The following MID1 variants were observed in gnomAD, a reference collection of about 807,000 sequenced individuals.
MID1 encodes midline 1, also known as E3 ubiquitin-protein ligase Midline-1.
MID1 carries 7 observed loss-of-function variants against 40.4 expected under a neutral mutation model. The ratio of observed to expected loss-of-function variants is 0.17; its 90% confidence interval spans 0.10 to 0.33. The LOEUF (loss-of-function observed/expected upper bound fraction) is 0.33, where lower values mean the gene tolerates loss of function less well. Ranked by LOEUF, MID1 falls within the 10% of genes least tolerant of loss-of-function variation. The pLI, the probability that MID1 is intolerant of heterozygous loss-of-function variation, is 1.00. For missense variants in MID1, 367 were observed against 558.5 expected, an observed-to-expected ratio of 0.66 and a Z score of 3.46; for synonymous variants, 229 against 221.2, an observed-to-expected ratio of 1.04 and a Z score of -0.31.
chrX:10,521,056 A>G (rs1932677381), intron 3 of MID1, among the ~76,000 whole-genome samples: 1 of 102,826 alleles, frequency 9.7e-6, no homozygotes, highest in Non-Finnish European at 2.0e-5. Flanking sequence ...CACATGGTAG[A>G]AGGCAAAGCC....
chrX:10,680,385 A>C (rs958186601), intron 1 of MID1, among the ~76,000 whole-genome samples: 3 of 112,266 alleles, frequency 2.7e-5, no homozygotes, highest in Admixed American at 9.5e-5. Flanking sequence ...ATATGGAAGC[A>C]GACTTCAGTA....
At chrX:10,540,453 C>T (rs930805251) in intron 2 of MID1, among the ~76,000 whole-genome samples, 4 of 111,583 alleles carry the variant, frequency 3.6e-5, no homozygotes, top group Admixed American at 9.5e-5. Flanking sequence ...AAGAAGTTTG[C>T]GACTAAACTA....
At chrX:10,503,071 G>A (rs994244007) in intron 3 of MID1, among the ~76,000 whole-genome samples, 3 of 110,913 alleles carry the variant, frequency 2.7e-5, no homozygotes, top group African/African-American at 9.8e-5. Flanking sequence ...GAGGGTACAG[G>A]GAGAAAACTG....
chrX:10,578,013 A>C (rs1474090074), intron 1 of MID1, among the ~76,000 whole-genome samples: 1 of 112,255 alleles, frequency 8.9e-6, no homozygotes, highest in Non-Finnish European at 1.9e-5. Flanking sequence ...ATTCATGATA[A>C]AGGGGAAGCA....
At chrX:10,501,223 C>T (rs747325956) in intron 3 of MID1, among the ~76,000 whole-genome samples, 41 of 111,338 alleles carry the variant, frequency 3.7e-4, no homozygotes, top group South Asian at 7.7e-4. Flanking sequence ...GCAGGAGAAT[C>T]GCTTGAACCC....
chrX:10,498,271 A>G (rs1337222180), intron 3 of MID1, among the ~76,000 whole-genome samples: 5 of 111,614 alleles, frequency 4.5e-5, no homozygotes, highest in African/African-American at 1.6e-4. Context: ...TCCCGGCTAA[A>G]TTTTTTTAAA....
At chrX:10,500,239 T>C (rs1298871529) in intron 3 of MID1, among the ~76,000 whole-genome samples, 1 of 112,142 alleles carries the variant, frequency 8.9e-6, no homozygotes, top group Non-Finnish European at 1.9e-5. Flanking sequence ...ATATGTTTGC[T>C]TTACCAAAAA....
At chrX:10,516,601 T>TGTGCGC (rs1569079744) in intron 3 of MID1, among the ~76,000 whole-genome samples, 1 of 71,364 alleles carries the variant, frequency 1.4e-5, no homozygotes, top group African/African-American at 6.7e-5. Context: ...TGTGTGTGTG[T>TGTGCGC]GTGTGTGTGC....
chrX:10,691,039 G>A (rs2043128889), intron 1 of MID1, among the ~76,000 whole-genome samples: 1 of 111,464 alleles, frequency 9.0e-6, no homozygotes, highest in Admixed American at 9.6e-5. Flanking sequence ...TCAGGAGTGT[G>A]GGAACTACAT....
intron 6 of MID1, among the ~76,000 whole-genome samples, chrX:10,470,888 G>A (rs1929668889): frequency 8.9e-6 from 1 of 111,946 alleles, no homozygotes. Context: ...TTAGAGGGAG[G>A]GGTTGGCAAA....
chrX:10,559,345 T>G (rs771703730), intron 2 of MID1, among the ~76,000 whole-genome samples: 4 of 112,162 alleles, frequency 3.6e-5, no homozygotes, highest in African/African-American at 9.7e-5. Flanking sequence ...ACAAACAGAA[T>G]TGCATATTGG....
intron 1 of MID1, among the ~76,000 whole-genome samples, chrX:10,738,121 C>T (rs993828366): frequency 9.0e-6 from 1 of 111,676 alleles, no homozygotes; most frequent in African/African-American, 3.3e-5. Flanking sequence ...AGACAGTTAG[C>T]GGTCATCCCC....
At chrX:10,718,951 G>T (rs747130750) in intron 1 of MID1, among the ~76,000 whole-genome samples, 7 of 111,759 alleles carry the variant, frequency 6.3e-5, no homozygotes, top group East Asian at 2.8e-4. Context: ...AAAACCACAT[G>T]ATTATCTCAA....
intron 2 of MID1, among the ~76,000 whole-genome samples, chrX:10,547,121 A>G (rs774280470): frequency 8.9e-6 from 1 of 111,773 alleles, no homozygotes; most frequent in Non-Finnish European, 1.9e-5. Context: ...CAAAAACCCC[A>G]TCTCTACAAA....
At chrX:10,538,850 G>A (rs1414870160) in intron 2 of MID1, among the ~76,000 whole-genome samples, 1 of 112,142 alleles carries the variant, frequency 8.9e-6, no homozygotes, top group Non-Finnish European at 1.9e-5. Flanking sequence ...TAATATTAAT[G>A]CAACCAAAGA....
At chrX:10,530,523 A>T (rs1366424768) in intron 2 of MID1, among the ~76,000 whole-genome samples, 1 of 112,651 alleles carries the variant, frequency 8.9e-6, no homozygotes, top group Non-Finnish European at 1.9e-5. Context: ...TACATACTTT[A>T]TGCAAAAAGG....
rs779520183 is a variant in MID1 at position 10,449,004 on chromosome X, GT to G, written c.*363del. 7.3e-5 allele frequency: 12 copies of G among 164,666 alleles called. No homozygotes were observed. The South Asian group carries it at 2.0e-3, about 28-fold the overall frequency. 13.6% of individuals were successfully genotyped at this position (164,666 alleles called of 1,213,427 possible). ...AACATACAAAACTACAAAAGTTTTT[GT>G]TTTTTTGTAAGCCCACAGATTGTGA... is the stretch of plus-strand genomic sequence containing the variant. On this transcript the variant is annotated 3_prime_UTR_variant, in exon 10 of 10. Coordinates refer to ENST00000317552, the MANE Select transcript of MID1 (RefSeq NM_000381.4).
At chrX:10,521,527 G>T (rs1393022698) in intron 3 of MID1, among the ~76,000 whole-genome samples, 1 of 111,317 alleles carries the variant, frequency 9.0e-6, no homozygotes, top group Non-Finnish European at 1.9e-5. Context: ...AGGGCCAGAA[G>T]GCTTAAAAGT....
At chrX:10,675,303 G>A (rs1330649834) in intron 1 of MID1, among the ~76,000 whole-genome samples, 1 of 112,132 alleles carries the variant, frequency 8.9e-6, no homozygotes, top group Non-Finnish European at 1.9e-5. Flanking sequence ...ATTTTAATGA[G>A]GAGGAAAAAA....
Sources: gnomAD v4.1 joint callset for allele counts (sites outside exome capture counted in the v4.1 genomes callset) on GRCh38, gnomAD v4.1.1 for gene constraint, MANE v1.5 for transcripts, NCBI Gene and HGNC (gene_info 2026-07-23, HGNC 2026-07-21) for gene names.